TLL2: variants seen among roughly 807,000 people sequenced by gnomAD.
The protein encoded by TLL2 is tolloid like 2.
Under a neutral mutation model 123.0 loss-of-function variants are expected in TLL2, and 106 were observed. The observed-to-expected ratio is 0.86, with a 90% CI of 0.74 to 1.01. TLL2 has a LOEUF of 1.01. Among genes scored for constraint, TLL2 ranks in the 50% least tolerant of loss-of-function variants. The pLI, the probability that TLL2 is intolerant of heterozygous loss-of-function variation, is 0.00. For missense variants in TLL2, 1,332 were observed against 1,336.7 expected (o/e 1.00, Z 0.06); for synonymous variants, 494 against 516.8 (o/e 0.96, Z 0.60).
At chr10:96,440,547 CCT>C (rs1465047324) in intron 3 of TLL2, among the ~76,000 whole-genome samples, 3 of 152,170 alleles carry the variant, frequency 2.0e-5, no homozygotes, top group South Asian at 4.1e-4. Context: ...TCTTAATTTT[CCT>C]CTGTCGCCAA....
rs150738442 is a variant in TLL2 at position 96,376,778 on chromosome 10, C to T, written c.2362G>A (p.Ala788Thr). 186 of 1,593,220 alleles carry T rather than the reference C, an allele frequency of 1.2e-4. No individual in the cohort carries two copies. Among genetic ancestry groups the T allele is most frequent in the Non-Finnish European group, 1.6e-4 (185 of 1,171,094 alleles). ...HKISSVEGTLASPNWPDKYPS... is the reference protein window; with the variant it reads ...HKISSVEGTLTSPNWPDKYPS... ...TATTTGTCAGGCCAGTTGGGGCTCG[C>T]CAGGGTCCCCTCCACACTGCTGATC... The change falls in exon 18 of 21, where the codon GCG becomes ACG. Residue 788 changes from alanine to threonine, a missense_variant. Transcript: ENST00000357947.
chr10:96,398,868 C>CTTTTTTTTTTTTT (rs3033618), intron 10 of TLL2, among the ~76,000 whole-genome samples: 1 of 107,746 alleles, frequency 9.3e-6, no homozygotes, highest in Non-Finnish European at 1.8e-5. Flanking sequence ...TGAAAATATT[C>CTTTTTTTTTTTTT]TTTTTTTTTT....
At chr10:96,465,501 C>A in intron 2 of TLL2, among the ~76,000 whole-genome samples, 1 of 152,190 alleles carries the variant, frequency 6.6e-6, no homozygotes, top group South Asian at 2.1e-4. Flanking sequence ...ATCTATATTA[C>A]AACAGGTGAT....
intron 5 of TLL2, among the ~76,000 whole-genome samples, chr10:96,428,181 C>T (rs1046880820): frequency 6.6e-6 from 1 of 152,184 alleles, no homozygotes; most frequent in African/African-American, 2.4e-5. Flanking sequence ...TAACTTTAGT[C>T]ATAAGCCAGT....
intron 3 of TLL2, 105 bp from the exon 4 acceptor site, chr10:96,433,067 G>T: frequency 1.4e-6 from 2 of 1,441,588 alleles, no homozygotes; most frequent in Non-Finnish European, 1.9e-6. Context: ...GTTAAAACAT[G>T]TTCCAAAGGG....
intron 2 of TLL2, among the ~76,000 whole-genome samples, chr10:96,460,563 TAGTG>T (rs1754536061): frequency 6.6e-6 from 1 of 152,152 alleles, no homozygotes; most frequent in South Asian, 2.1e-4. Context: ...GTTCTCATGA[TAGTG>T]AGTGAGTTCT....
rs1846007256 is a variant in TLL2 at position 96,364,664 on chromosome 10, C to T, written c.*3424G>A. 6.6e-6 allele frequency: 1 copy of T among 152,628 alleles called. No homozygotes were observed. 9.5% of individuals were successfully genotyped at this position (152,628 alleles called of 1,614,324 possible). On this transcript the variant is annotated 3_prime_UTR_variant, in exon 21 of 21. Transcript: ENST00000357947. ...TCTAGGTAGAGACATATGTTAGGTC[C>T]TCTCCACTTTCTCTTTGAAACTGAC...
intron 2 of TLL2, among the ~76,000 whole-genome samples, chr10:96,448,288 T>C (rs1846919315): frequency 6.6e-6 from 1 of 152,192 alleles, no homozygotes; most frequent in African/African-American, 2.4e-5. Flanking sequence ...AGCAATATCA[T>C]TTCCTCTCGG....
At chr10:96,383,121 G>A (rs1846200806) in intron 16 of TLL2, among the ~76,000 whole-genome samples, 1 of 152,150 alleles carries the variant, frequency 6.6e-6, no homozygotes, top group Admixed American at 6.5e-5. Flanking sequence ...ACCTGCAGAG[G>A]GAATGTGGCT....
At chr10:96,417,231 A>T (rs987740175) in intron 7 of TLL2, among the ~76,000 whole-genome samples, 1 of 152,204 alleles carries the variant, frequency 6.6e-6, no homozygotes, top group African/African-American at 2.4e-5. Context: ...AAGTAATGAC[A>T]TGGAGTTGGG....
intron 18 of TLL2, 121 bp from the exon 19 acceptor site, chr10:96,373,930 G>GCAGGGGGT (rs1846110472): frequency 1.2e-6 from 1 of 807,032 alleles, no homozygotes; most frequent in South Asian, 1.7e-5. Flanking sequence ...AGCTGGCTGT[G>GCAGGGGGT]CAGGGGGTGT....
intron 1 of TLL2, among the ~76,000 whole-genome samples, chr10:96,500,550 T>C (rs553654048): frequency 2.6e-5 from 4 of 152,270 alleles, no homozygotes; most frequent in South Asian, 4.2e-4. Context: ...TCCCAGCACA[T>C]TGGGAGGCCA....
intron 1 of TLL2, among the ~76,000 whole-genome samples, chr10:96,489,345 C>T (rs989656939): frequency 4.6e-5 from 7 of 151,910 alleles, no homozygotes; most frequent in East Asian, 1.9e-4. Context: ...TGGGCAACAA[C>T]GTGAGACCCC....
At chr10:96,390,921 A>G (rs1157119758) in intron 13 of TLL2, among the ~76,000 whole-genome samples, 2 of 152,234 alleles carry the variant, frequency 1.3e-5, no homozygotes, top group African/African-American at 4.8e-5. Flanking sequence ...ATCTCTCACT[A>G]ATATTGTGTA....
intron 18 of TLL2, among the ~76,000 whole-genome samples, chr10:96,376,126 GA>G (rs1466792770): frequency 2.0e-5 from 3 of 151,822 alleles, no homozygotes; most frequent in Admixed American, 6.6e-5. Flanking sequence ...TTACTAATGG[GA>G]AAAAAAAGTA....
At chr10:96,428,204 T>TGG (rs1170216650) in intron 5 of TLL2, among the ~76,000 whole-genome samples, 1 of 152,206 alleles carries the variant, frequency 6.6e-6, no homozygotes, top group African/African-American at 2.4e-5. Flanking sequence ...TTTTATTACA[T>TGG]ATTATGTTTT....
chr10:96,386,103 C>T lies in TLL2; in HGVS notation c.1965G>A (p.Gln655=). 1 of 1,611,970 alleles carries T rather than the reference C, an allele frequency of 6.2e-7. No individual in the cohort carries two copies. The highest frequency in any genetic ancestry group is 8.5e-7 in the Non-Finnish European group (1 of 1,178,992). ...CTTCAAACTGAAGGGAGATCCGGTACTGAGCGGGGGCCACCACCTGCCAGA... is the reference window on the plus strand; with the variant it reads ...CTTCAAACTGAAGGGAGATCCGGTATTGAGCGGGGGCCACCACCTGCCAGA... ...NCVWQVVAPA[Q]YRISLQFEVF... is the part of the protein sequence containing the mutation. The change falls in exon 15 of 21, where the codon CAG becomes CAA. Residue 655 remains glutamine (Q), a synonymous_variant. Transcript: ENST00000357947.
chr10:96,505,153 G>C (rs1327740938), intron 1 of TLL2, among the ~76,000 whole-genome samples: 1 of 152,244 alleles, frequency 6.6e-6, no homozygotes, highest in Non-Finnish European at 1.5e-5. Context: ...TACAATCATG[G>C]TGGAAGGTAA....
chr10:96,510,180 G>A (rs888898900), intron 1 of TLL2, among the ~76,000 whole-genome samples: 1 of 152,184 alleles, frequency 6.6e-6, no homozygotes, highest in African/African-American at 2.4e-5. Flanking sequence ...GGATAGGCAG[G>A]CAGGCAGGAA....
Sources: gnomAD v4.1 joint callset for allele counts (sites outside exome capture counted in the v4.1 genomes callset) on GRCh38, gnomAD v4.1.1 for gene constraint, MANE v1.5 for transcripts, NCBI Gene and HGNC (gene_info 2026-07-23, HGNC 2026-07-21) for gene names.